The following YY1 variants were observed in gnomAD, a reference collection of about 807,000 sequenced individuals.
YY1 encodes transcriptional repressor protein YY1.
YY1 carries 2 observed loss-of-function variants against 35.6 expected under a neutral mutation model. That is an observed-to-expected ratio of 0.06 (90% CI 0.02 to 0.18). YY1 has a LOEUF of 0.18. YY1 is among the 10% of genes least tolerant of loss of function. The pLI, the probability that YY1 is intolerant of heterozygous loss-of-function variation, is 1.00. For synonymous variants in YY1, 268 were observed against 238.9 expected, an observed-to-expected ratio of 1.12 and a Z score of -1.12; for missense variants, 322 against 573.4, an observed-to-expected ratio of 0.56 and a Z score of 4.48.
At chr14:100,258,568 G>T (rs572920845) in intron 1 of YY1, among the ~76,000 whole-genome samples, 36 of 152,090 alleles carry the variant, frequency 2.4e-4, no homozygotes, top group Non-Finnish European at 4.4e-4. Context: ...GTTTCACCGT[G>T]GTCTCGATCA....
rs1477220415 is a variant in YY1, at chr14:100,242,401, T to G, written c.679+2478T>G. ...TTGTTTTTTTTTTTTTTTTTTTTTTTTTTTTGAGATGGAGTCTCGCTCTGT... is the reference window on the plus strand; with the variant it reads ...TTGTTTTTTTTTTTTTTTTTTTTTTGTTTTTGAGATGGAGTCTCGCTCTGT... On this transcript the variant is annotated intron_variant, in intron 1 of 4. Transcript: ENST00000262238. Among the ~76,000 whole-genome samples, 74 of 142,360 alleles carry G rather than the reference T, an allele frequency of 5.2e-4. 1 individual carries two copies. Among genetic ancestry groups the G allele is most frequent in the African/African-American group, 1.8e-3 (68 of 37,392 alleles). 93.4% of individuals were successfully genotyped at this position (142,360 alleles called of 152,430 possible). A position where few individuals can be genotyped will look rare whatever the true frequency, so the allele number is the denominator to read the frequency against.
At position 100,262,371 on chromosome 14, in the gene YY1, T is replaced by A. The variant is rs1036496251; in HGVS notation, c.747T>A (p.Pro249=). The A allele has an allele frequency of 2.5e-6, 4 of 1,614,170 alleles. No homozygotes were observed. Among genetic ancestry groups the A allele is most frequent in the Non-Finnish European group, 3.4e-6 (4 of 1,180,018 alleles). Residue 249 remains proline (P), a synonymous_variant, in exon 2 of 5, where the codon CCT becomes CCA. Coordinates refer to ENST00000262238, the MANE Select transcript of YY1 (RefSeq NM_003403.5). ...AGATCATTGGAGAGAACTCACCTCC[T>A]GATTATTCAGAATATATGACAGGAA... ...EEQIIGENSP[P]DYSEYMTGKK...
chr14:100,253,235 C>T (rs1039649849), intron 1 of YY1, among the ~76,000 whole-genome samples: 1 of 152,090 alleles, frequency 6.6e-6, no homozygotes, highest in Admixed American at 6.5e-5. Context: ...ACATGTTTTA[C>T]CTAGATGTAC....
intron 2 of YY1, among the ~76,000 whole-genome samples, chr14:100,266,761 A>G (rs1420903568): frequency 6.6e-6 from 1 of 152,220 alleles, no homozygotes; most frequent in Non-Finnish European, 1.5e-5. Flanking sequence ...ATTAGAGACA[A>G]TAAAACAATG....
chr14:100,258,626 TACAGGCGTGAGCC>T (rs1891037127), intron 1 of YY1, among the ~76,000 whole-genome samples: 1 of 152,192 alleles, frequency 6.6e-6, no homozygotes, highest in African/African-American at 2.4e-5. Context: ...GTGCTGGGAT[TACAGGCGTGAGCC>T]ACCACGCCCG....
At chr14:100,251,066 G>A (rs1478043299) in intron 1 of YY1, among the ~76,000 whole-genome samples, 1 of 152,026 alleles carries the variant, frequency 6.6e-6, no homozygotes, top group Non-Finnish European at 1.5e-5. Flanking sequence ...CTAACTGGTT[G>A]ACTGGTTGAC....
At position 100,281,143 on chromosome 14, in the gene YY1, T is replaced by C. The variant is rs1436044351; in HGVS notation, c.*3543T>C. 7.2e-6 allele frequency: 1 copy of C among 138,566 alleles called. No homozygotes were observed. Among genetic ancestry groups the C allele is most frequent in the Non-Finnish European group, 1.5e-5 (1 of 65,932 alleles). The allele number at this position is 138,566 out of a possible 1,614,324, so 8.6% of individuals were successfully genotyped here. ...CACCCCCGACTATAGGCAAAGAGAG[T>C]TGATCACTTCCAGGGTCTCTGACTT... On this transcript the variant is annotated 3_prime_UTR_variant, in exon 5 of 5. Transcript: ENST00000262238.
At chr14:100,267,167 G>C (rs1051105749) in intron 2 of YY1, among the ~76,000 whole-genome samples, 12 of 152,142 alleles carry the variant, frequency 7.9e-5, no homozygotes, top group African/African-American at 2.9e-4. Context: ...AAAGGGGTGA[G>C]GGAGTAGGGC....
At chr14:100,241,201 C>G (rs756527399) in intron 1 of YY1, among the ~76,000 whole-genome samples, 1 of 152,216 alleles carries the variant, frequency 6.6e-6, no homozygotes, top group Non-Finnish European at 1.5e-5. Flanking sequence ...CGTAGTTAAT[C>G]TAATGCCTGT....
Position 100,282,489 on chromosome 14 carries a change from C to G in YY1, c.*4889C>G, listed in dbSNP as rs546621344. Reference sequence around the variant, plus strand: ...CGGACATGTGAGGCTCTATTATCAACAGGTGGTGAGAAAAATTATGTTTTT... The same window carrying G: ...CGGACATGTGAGGCTCTATTATCAAGAGGTGGTGAGAAAAATTATGTTTTT... On this transcript the variant is annotated 3_prime_UTR_variant, in exon 5 of 5. Coordinates refer to ENST00000262238, the MANE Select transcript of YY1 (RefSeq NM_003403.5). 2.0e-5 allele frequency: 3 copies of G among 152,280 alleles called. No individual in the cohort carries two copies. In the East Asian group the frequency reaches 5.8e-4, roughly 29 times the overall value. 9.4% of individuals were successfully genotyped at this position (152,280 alleles called of 1,614,324 possible). A position where few individuals can be genotyped will look rare whatever the true frequency, so the allele number is the denominator to read the frequency against.
intron 2 of YY1, among the ~76,000 whole-genome samples, chr14:100,269,990 C>T (rs894587895): frequency 2.6e-5 from 4 of 151,988 alleles, no homozygotes; most frequent in African/African-American, 7.3e-5. Context: ...TGGCCAGGCG[C>T]GGTGGCTCAT....
chr14:100,281,786 G>GT lies in YY1; in HGVS notation c.*4188dup, dbSNP rs1891437175. On this transcript the variant is annotated 3_prime_UTR_variant, in exon 5 of 5. Coordinates refer to ENST00000262238, the MANE Select transcript of YY1 (RefSeq NM_003403.5). ...GCTCAGGTTATGCTCAGATGCCCTG[G>GT]TTGCCTGAAGATGGTTTAAGTGCAG... is the stretch of plus-strand genomic sequence containing the variant. 1 of 152,176 alleles carries GT rather than the reference G, an allele frequency of 6.6e-6. No individual in the cohort carries two copies. The highest frequency in any genetic ancestry group is 2.4e-5 in the African/African-American group (1 of 41,436). The allele number at this position is 152,176 out of a possible 1,614,324, so 9.4% of individuals were successfully genotyped here.
intron 1 of YY1, among the ~76,000 whole-genome samples, chr14:100,248,121 C>CTTTT (rs10694000): frequency 1.4e-4 from 16 of 117,660 alleles, no homozygotes; most frequent in Non-Finnish European, 2.3e-4. Flanking sequence ...ATTTTTTTTT[C>CTTTT]TTTTTTTTTT....
At chr14:100,247,568 A>G (rs1369070576) in intron 1 of YY1, among the ~76,000 whole-genome samples, 1 of 152,006 alleles carries the variant, frequency 6.6e-6, no homozygotes, top group Non-Finnish European at 1.5e-5. Context: ...AGACAGGGTT[A>G]TCAGAATCAT....
rs578258466 is a variant in YY1, at chr14:100,279,137, G to A, written c.*1537G>A. On this transcript the variant is annotated 3_prime_UTR_variant, in exon 5 of 5. Coordinates refer to ENST00000262238, the MANE Select transcript of YY1 (RefSeq NM_003403.5). ...AACCTCTTAAATGTACGATTATAAT[G>A]TTGGATCTTAGGTCAAATAACAGAC... The A allele has an allele frequency of 1.3e-5, 2 of 152,318 alleles. No individual in the cohort carries two copies. Among genetic ancestry groups the A allele is most frequent in the South Asian group, 2.1e-4 (1 of 4,828 alleles). 9.4% of individuals were successfully genotyped at this position (152,318 alleles called of 1,614,324 possible).
Position 100,239,382 on chromosome 14 carries a change from G to A in YY1, c.138G>A (p.Glu46=), listed in dbSNP as rs761956344. The A allele has an allele frequency of 2.5e-6, 4 of 1,600,970 alleles. No individual in the cohort carries two copies. Among genetic ancestry groups the A allele is most frequent in the Non-Finnish European group, 3.4e-6 (4 of 1,174,586 alleles). ...CCACAGTGGTGGGCGAGGAGGAGGA[G>A]GAGGACGACGACGACGAGGACGGCG... ...IETTVVGEEE[E]EDDDDEDGGG... is the part of the protein sequence containing the mutation. Residue 46 remains glutamate (E), a synonymous_variant, in exon 1 of 5, where the codon GAG becomes GAA. Coordinates refer to ENST00000262238, the MANE Select transcript of YY1 (RefSeq NM_003403.5).
At chr14:100,259,706 AAG>A (rs1336912213) in intron 1 of YY1, among the ~76,000 whole-genome samples, 1 of 152,192 alleles carries the variant, frequency 6.6e-6, no homozygotes, top group East Asian at 1.9e-4. Context: ...GAGAGGTGGT[AAG>A]AGAGAGCAAA....
intron 1 of YY1, among the ~76,000 whole-genome samples, chr14:100,251,466 T>C (rs1890923268): frequency 6.6e-6 from 1 of 152,262 alleles, no homozygotes; most frequent in African/African-American, 2.4e-5. Context: ...TAAATTCCTG[T>C]TGTTTCAAAC....
At chr14:100,253,267 A>G (rs76724131) in intron 1 of YY1, among the ~76,000 whole-genome samples, 1,868 of 152,334 alleles carry the variant, frequency 0.012, 41 homozygotes, top group African/African-American at 0.043. Context: ...CCCCATCGCT[A>G]GTCAATAGAA....
Sources: allele counts gnomAD v4.1 joint callset (sites outside exome capture counted in the v4.1 genomes callset), GRCh38; gene constraint gnomAD v4.1.1; transcripts MANE v1.5; gene names NCBI Gene and HGNC (gene_info 2026-07-23, HGNC 2026-07-21).